The following IFT140 variants were observed in gnomAD, a reference collection of about 807,000 sequenced individuals.
IFT140 encodes intraflagellar transport 140.
A neutral mutation model predicts 164.6 loss-of-function variants in IFT140; 133 were observed. The observed-to-expected ratio is 0.81, with a 90% CI of 0.70 to 0.93. The LOEUF is 0.93. IFT140 is among the 40% of genes least tolerant of loss of function. The pLI is 0.00. For missense variants in IFT140, 2,045 were observed against 1,972.3 expected (o/e 1.04, Z -0.70); for synonymous variants, 860 against 817.3 (o/e 1.05, Z -0.89).
At position 1,553,846 on chromosome 16, in the gene IFT140, T is replaced by C; in HGVS notation, c.2399+4089A>G. On this transcript the variant is annotated intron_variant, in intron 19 of 30. Coordinates refer to ENST00000426508, the MANE Select transcript of IFT140 (RefSeq NM_014714.4). The surrounding 1 kb of genome is among the most constrained non-coding windows in gnomAD (Gnocchi z 4.4). ...CCCGGCTCCATCGCTGCGGCCACAG[T>C]GTCCTGTTATCCTAGTTGGTAGACT... 1.6e-6 allele frequency: 2 copies of C among 1,221,180 alleles called. No homozygotes were observed. The allele number at this position is 1,221,180 out of a possible 1,614,324, so 75.6% of individuals were successfully genotyped here.
At position 1,586,230 on chromosome 16, in the gene IFT140, C is replaced by T. The variant is rs755904958; in HGVS notation, c.1055G>A (p.Arg352Lys). The change falls in exon 10 of 31, where the codon AGG becomes AAG. Residue 352 changes from arginine to lysine, a missense_variant. By Grantham distance (26) the Arg-to-Lys change is conservative. Transcript: ENST00000426508. ...GCTGCCCAGGAAGTCTGGTACTTTC[C>T]TCCACATGGCTACTCGCCCTCTGTC... Reference protein sequence around the residue: ...GTDRGRVAMWRKVPDFLGSPG... With the variant: ...GTDRGRVAMWKKVPDFLGSPG... The T allele has an allele frequency of 6.2e-6, 10 of 1,613,892 alleles. No individual in the cohort carries two copies. The South Asian group carries it at 9.9e-5, about 16-fold the overall frequency.
At chr16:1,601,649 A>G (rs924669832) in intron 4 of IFT140, among the ~76,000 whole-genome samples, 5 of 152,202 alleles carry the variant, frequency 3.3e-5, no homozygotes, top group East Asian at 1.9e-4. Flanking sequence ...CTCCTCTCAT[A>G]ATGTAGAAAT....
At chr16:1,570,903 G>A (rs2141626646) in intron 14 of IFT140, among the ~76,000 whole-genome samples, 1 of 152,206 alleles carries the variant, frequency 6.6e-6, no homozygotes, top group South Asian at 2.1e-4. Context: ...CTACAGGTAC[G>A]TGCCACCATG....
intron 19 of IFT140, among the ~76,000 whole-genome samples, chr16:1,542,427 C>T (rs1464978175): frequency 6.6e-6 from 1 of 152,242 alleles, no homozygotes; most frequent in Admixed American, 6.5e-5. Context: ...AGCCTGGGTC[C>T]TGCCCCTTCC....
At chr16:1,521,093 T>C (rs1400701684) in intron 26 of IFT140, among the ~76,000 whole-genome samples, 1 of 152,200 alleles carries the variant, frequency 6.6e-6, no homozygotes, top group Non-Finnish European at 1.5e-5. Flanking sequence ...AAAAGGAAAT[T>C]GGTAATTTTC....
At chr16:1,566,025 T>C in intron 16 of IFT140, 136 bp downstream of exon 16, 1 of 746,522 alleles carries the variant, frequency 1.3e-6, no homozygotes, top group Non-Finnish European at 2.2e-6. Flanking sequence ...GTGCTTCTGT[T>C]TTCCTCTTTC....
intron 3 of IFT140, 83 bp from the exon 4 acceptor site, chr16:1,602,674 G>T: frequency 7.8e-7 from 1 of 1,280,422 alleles, no homozygotes; most frequent in Non-Finnish European, 1.1e-6. Context: ...GGGCACGGCG[G>T]CTCACTCCTG....
intron 5 of IFT140, 41 bp downstream of exon 5, chr16:1,592,426 G>A (rs1227979640): frequency 1.2e-6 from 2 of 1,612,066 alleles, no homozygotes; most frequent in African/African-American, 1.3e-5. Context: ...CTCCCCCGAT[G>A]TAAACACACA....
chr16:1,547,593 G>A (rs2032279428), intron 19 of IFT140, among the ~76,000 whole-genome samples: 1 of 152,166 alleles, frequency 6.6e-6, no homozygotes, highest in Non-Finnish European at 1.5e-5. Flanking sequence ...CTGGAGTGCA[G>A]TGGTGCAATC....
chr16:1,530,075 G>A (rs951977737), intron 19 of IFT140, among the ~76,000 whole-genome samples: 46 of 150,600 alleles, frequency 3.1e-4, no homozygotes, highest in African/African-American at 1.1e-3. Flanking sequence ...TAAACACCAC[G>A]TTGTAAGACA....
chr16:1,530,058 C>T (rs896618519), intron 19 of IFT140, among the ~76,000 whole-genome samples: 7 of 151,888 alleles, frequency 4.6e-5, no homozygotes, highest in Admixed American at 2.0e-4. Context: ...GCGTGATGGC[C>T]GCTTCGTAAA....
intron 19 of IFT140, among the ~76,000 whole-genome samples, chr16:1,548,782 G>A (rs897865049): frequency 6.6e-5 from 10 of 152,230 alleles, no homozygotes; most frequent in Non-Finnish European, 1.0e-4. Flanking sequence ...AGCGCAGTGC[G>A]ATCATGCAGC....
intron 13 of IFT140, among the ~76,000 whole-genome samples, chr16:1,578,566 G>C (rs1286354074): frequency 6.9e-6 from 1 of 144,684 alleles, no homozygotes; most frequent in African/African-American, 2.6e-5. Flanking sequence ...GACATAGTGA[G>C]ATCCTGTCCC....
Position 1,511,077 on chromosome 16 carries a change from G to T in IFT140, c.4256C>A (p.Ala1419Asp), listed in dbSNP as rs1397455159. 1.9e-6 allele frequency: 3 copies of T among 1,609,794 alleles called. No individual in the cohort carries two copies. The African/African-American group carries it at 4.0e-5, about 21-fold the overall frequency. ...CAGCCCCCGGTGCACGGCGTCCACG[G>T]CCTGCGGGCTCACGTAGTAGGACAT... ...ANMSYYVSPQ[A>D]VDAVHRGLGL... Residue 1419 changes from alanine (A) to aspartate (D), a missense_variant, in exon 31 of 31, where the codon GCC becomes GAC. Coordinates refer to ENST00000426508, the MANE Select transcript of IFT140 (RefSeq NM_014714.4).
intron 30 of IFT140, among the ~76,000 whole-genome samples, chr16:1,513,879 T>C (rs1264388586): frequency 7.0e-6 from 1 of 141,850 alleles, no homozygotes; most frequent in Non-Finnish European, 1.5e-5. Flanking sequence ...TTCACCGTGT[T>C]AGCCAAGATG....
At chr16:1,513,414 T>C (rs1048066626) in intron 30 of IFT140, among the ~76,000 whole-genome samples, 2 of 151,784 alleles carry the variant, frequency 1.3e-5, no homozygotes, top group Non-Finnish European at 2.9e-5. Context: ...GGCAGGACAA[T>C]TGCTTGAGCC....
At chr16:1,558,968 C>T (rs1295872312) in intron 18 of IFT140, among the ~76,000 whole-genome samples, 6 of 152,218 alleles carry the variant, frequency 3.9e-5, no homozygotes, top group African/African-American at 7.2e-5. Flanking sequence ...GCCTCATGGG[C>T]GAGACGGCAC....
intron 18 of IFT140, among the ~76,000 whole-genome samples, chr16:1,559,092 C>T (rs1029025837): frequency 1.1e-4 from 16 of 152,208 alleles, no homozygotes; most frequent in African/African-American, 3.1e-4. Flanking sequence ...TGCAGAGAGG[C>T]GATGGAGTGG....
rs775444392 is a variant in IFT140 at position 1,587,950 on chromosome 16, G to A, written c.885C>T (p.Val295=). The A allele has an allele frequency of 1.6e-5, 26 of 1,612,418 alleles. No homozygotes were observed. In the South Asian group the frequency reaches 1.7e-4, roughly 10 times the overall value. Residue 295 remains valine (V), a synonymous_variant, in exon 8 of 31, where the codon GTC becomes GTT. Coordinates refer to ENST00000426508, the MANE Select transcript of IFT140 (RefSeq NM_014714.4). ...LIEGSLLVMA[V]GEAALRFWDI... Reference sequence around the variant, plus strand: ...ACTCTCACCTGAGGGCAGCCTCCCCGACGGCCATCACGAGAAGGCTGCCTT... The same window carrying A: ...ACTCTCACCTGAGGGCAGCCTCCCCAACGGCCATCACGAGAAGGCTGCCTT...
Sources: allele counts gnomAD v4.1 joint callset (sites outside exome capture counted in the v4.1 genomes callset), GRCh38; gene constraint gnomAD v4.1.1; non-coding constraint Gnocchi (gnomAD v3.1); transcripts MANE v1.5; gene names NCBI Gene and HGNC (gene_info 2026-07-23, HGNC 2026-07-21).